RGS7: variants seen among roughly 807,000 people sequenced by gnomAD.
The protein encoded by RGS7 is regulator of G protein signaling 7.
RGS7 carries 27 observed loss-of-function variants against 81.1 expected under a neutral mutation model. The observed-to-expected ratio is 0.33, with a 90% CI of 0.25 to 0.46. The LOEUF (loss-of-function observed/expected upper bound fraction) is 0.46, where lower values mean the gene tolerates loss of function less well. RGS7 is among the 20% of genes least tolerant of loss of function. The pLI is 1.00. For synonymous variants in RGS7, 208 were observed against 207.7 expected (o/e 1.00, Z -0.01); for missense variants, 396 against 607.4 (o/e 0.65, Z 3.66).
At position 241,333,766 on chromosome 1, in the gene RGS7, C is replaced by G. The variant is rs200717111; in HGVS notation, c.78+21933G>C. Among the ~76,000 whole-genome samples, 12 of 152,144 alleles carry G rather than the reference C, an allele frequency of 7.9e-5. No homozygotes were observed. The East Asian group carries it at 2.3e-3, about 29-fold the overall frequency. ...AAACTATTTATATAGATAATATACT[C>G]TATTAGCAAGATTATTAAAAAGCAA... is the stretch of plus-strand genomic sequence containing the variant. On this transcript the variant is annotated intron_variant, in intron 2 of 18. Transcript: ENST00000440928.
intron 3 of RGS7, among the ~76,000 whole-genome samples, chr1:240,985,753 C>T (rs1299207697): frequency 2.0e-5 from 3 of 151,852 alleles, no homozygotes; most frequent in Admixed American, 1.3e-4. Context: ...AAGAGTAAGA[C>T]CTCAACTCCT....
intron 3 of RGS7, among the ~76,000 whole-genome samples, chr1:240,997,018 T>C (rs1357243534): frequency 3.3e-5 from 5 of 152,172 alleles, no homozygotes; most frequent in Admixed American, 3.3e-4. Context: ...GGCATGAAAA[T>C]GGTTCACTGC....
chr1:240,816,806 AT>A (rs1339928016), intron 10 of RGS7, among the ~76,000 whole-genome samples: 1 of 152,216 alleles, frequency 6.6e-6, no homozygotes, highest in Admixed American at 6.5e-5. Context: ...TCAAAAGAAG[AT>A]TTAAAAATAA....
At chr1:241,347,509 G>A (rs1347921870) in intron 2 of RGS7, among the ~76,000 whole-genome samples, 1 of 152,256 alleles carries the variant, frequency 6.6e-6, no homozygotes, top group Non-Finnish European at 1.5e-5. Context: ...AAAATTCTCA[G>A]AAAGGGTTCT....
chr1:241,126,773 C>T (rs1186590178), intron 2 of RGS7, among the ~76,000 whole-genome samples: 4 of 150,966 alleles, frequency 2.6e-5, no homozygotes, highest in Non-Finnish European at 4.4e-5. Context: ...TTCTCCTTTT[C>T]GAATTGTGCA....
At position 240,980,050 on chromosome 1, in the gene RGS7, A is replaced by G. The variant is rs577199500; in HGVS notation, c.226+3029T>C. On this transcript the variant is annotated intron_variant, in intron 4 of 18. Coordinates refer to ENST00000440928, the MANE Select transcript of RGS7 (RefSeq NM_001364886.1). ...AATTCCATATATGTGTATTATACAT[A>G]TATGTAAACTAAAAAAAATCCAAAA... Among the ~76,000 whole-genome samples, 3 of 152,346 alleles carry G rather than the reference A, an allele frequency of 2.0e-5. No individual in the cohort carries two copies. The East Asian group carries it at 5.8e-4, about 29-fold the overall frequency.
At chr1:240,850,426 A>G (rs1659899328) in intron 9 of RGS7, among the ~76,000 whole-genome samples, 1 of 152,176 alleles carries the variant, frequency 6.6e-6, no homozygotes, top group South Asian at 2.1e-4. Flanking sequence ...GCCATTTCCC[A>G]TTTAAGATGG....
intron 3 of RGS7, among the ~76,000 whole-genome samples, chr1:241,098,295 T>G (rs1180984454): frequency 1.3e-5 from 2 of 152,214 alleles, no homozygotes; most frequent in Non-Finnish European, 1.5e-5. Flanking sequence ...ACCACTGCTC[T>G]GCAGAAACCC....
At chr1:241,033,095 C>T (rs1485830310) in intron 3 of RGS7, among the ~76,000 whole-genome samples, 1 of 152,202 alleles carries the variant, frequency 6.6e-6, no homozygotes, top group Non-Finnish European at 1.5e-5. Flanking sequence ...GTAGCTCACG[C>T]CTGCAACCCC....
rs902839850 is a variant in RGS7, at chr1:240,892,441, G to A, written c.386-22322C>T. ...AATATTCTCCCAAGCCAAAAGCCCC[G>A]TAGGACAACCATAAAGCTCCTCAGT... On this transcript the variant is annotated intron_variant, in intron 6 of 18. Transcript: ENST00000440928. Among the ~76,000 whole-genome samples the A allele has an allele frequency of 9.9e-5, 15 of 152,098 alleles. No individual in the cohort carries two copies. The East Asian group carries it at 1.9e-3, about 20-fold the overall frequency.
Position 240,776,033 on chromosome 1 carries a change from C to T in RGS7, c.*187G>A, listed in dbSNP as rs1196097100. The stretch of plus-strand genomic sequence containing the variant: ...GTCCATTGGAGATGGAATGTACACA[C>T]AAAAATAACAATTTAGGTCCTTTGC... On this transcript the variant is annotated 3_prime_UTR_variant, in exon 19 of 19. Transcript: ENST00000440928. The T allele has an allele frequency of 1.3e-6, 1 of 774,762 alleles. No homozygotes were observed. The highest frequency in any genetic ancestry group is 2.4e-6 in the Non-Finnish European group (1 of 424,082). 48.0% of individuals were successfully genotyped at this position (774,762 alleles called of 1,614,324 possible).
Position 240,957,828 on chromosome 1 carries a change from T to C in RGS7, c.227-21122A>G, listed in dbSNP as rs940572816. Reference sequence around the variant, plus strand: ...TTTTTCTGTAAATCTAAACCTATTCTAAAATAAGATTTTTTAAGAGCAAAT... The same window carrying C: ...TTTTTCTGTAAATCTAAACCTATTCCAAAATAAGATTTTTTAAGAGCAAAT... On this transcript the variant is annotated intron_variant, in intron 4 of 18. Coordinates refer to ENST00000440928, the MANE Select transcript of RGS7 (RefSeq NM_001364886.1). 2.6e-5 allele frequency among the ~76,000 whole-genome samples: 4 copies of C among 152,184 alleles called. No homozygotes were observed. In the East Asian group the frequency reaches 7.7e-4, roughly 29 times the overall value.
At chr1:241,345,159 T>C (rs904767174) in intron 2 of RGS7, among the ~76,000 whole-genome samples, 1 of 152,188 alleles carries the variant, frequency 6.6e-6, no homozygotes, top group African/African-American at 2.4e-5. Context: ...CTGCATGTTC[T>C]TACTTATAAG....
intron 2 of RGS7, among the ~76,000 whole-genome samples, chr1:241,161,559 A>G (rs1572940028): frequency 1.7e-5 from 1 of 59,378 alleles, no homozygotes; most frequent in Non-Finnish European, 3.6e-5. Flanking sequence ...ATAGTAACTA[A>G]TAATGTGACC....
At chr1:240,791,638 T>C (rs1558256001) in intron 18 of RGS7, among the ~76,000 whole-genome samples, 1 of 152,208 alleles carries the variant, frequency 6.6e-6, no homozygotes, top group Non-Finnish European at 1.5e-5. Context: ...AAGCTACATG[T>C]GTCTTTAGAC....
chr1:240,996,345 C>T (rs761037321), intron 3 of RGS7, among the ~76,000 whole-genome samples: 1 of 152,170 alleles, frequency 6.6e-6, no homozygotes, highest in Admixed American at 6.5e-5. Context: ...TACATCCTTA[C>T]TGATTTTTCT....
At chr1:241,089,019 C>CTCTCTCTCT (rs1558700011) in intron 3 of RGS7, among the ~76,000 whole-genome samples, 1 of 105,068 alleles carries the variant, frequency 9.5e-6, no homozygotes, top group African/African-American at 4.1e-5. Context: ...GAGCAAGACT[C>CTCTCTCTCT]CATCTCTCTC....
Position 241,134,623 on chromosome 1 carries a change from T to C in RGS7, c.79-35861A>G, listed in dbSNP as rs571351290. Among the ~76,000 whole-genome samples, 9 of 152,304 alleles carry C rather than the reference T, an allele frequency of 5.9e-5. No homozygotes were observed. The South Asian group carries it at 1.9e-3, about 32-fold the overall frequency. Reference sequence around the variant, plus strand: ...CCATAGAAGCGGAAGTCACTCTTGTTGTTTATAAAAGGCCCACGAGGGAAA... The same window carrying C: ...CCATAGAAGCGGAAGTCACTCTTGTCGTTTATAAAAGGCCCACGAGGGAAA... On this transcript the variant is annotated intron_variant, in intron 2 of 18. Coordinates refer to ENST00000440928, the MANE Select transcript of RGS7 (RefSeq NM_001364886.1).
At chr1:240,908,270 T>C (rs563302768) in intron 6 of RGS7, among the ~76,000 whole-genome samples, 10 of 151,782 alleles carry the variant, frequency 6.6e-5, no homozygotes, top group Non-Finnish European at 7.4e-5. Context: ...ATGGGTGCAG[T>C]GAACCAACAT....
Sources: gnomAD v4.1 joint callset for allele counts (sites outside exome capture counted in the v4.1 genomes callset) on GRCh38, gnomAD v4.1.1 for gene constraint, MANE v1.5 for transcripts, NCBI Gene and HGNC (gene_info 2026-07-23, HGNC 2026-07-21) for gene names.